Variants in TCF4 observed in about 807,000 individuals in gnomAD.
The protein encoded by TCF4 is transcription factor 4.
Under a neutral mutation model 82.1 loss-of-function variants are expected in TCF4, and 3 were observed. The observed-to-expected ratio is 0.04, with a 90% CI of 0.02 to 0.09. The LOEUF is 0.09. Among genes scored for constraint, TCF4 ranks in the 10% least tolerant of loss-of-function variants. The probability of loss-of-function intolerance (pLI) is 1.00; values close to 1 mark genes in which losing one functional copy is unlikely to be tolerated. For missense variants in TCF4, 518 were observed against 852.7 expected, an observed-to-expected ratio of 0.61 and a Z score of 4.89; for synonymous variants, 276 against 309.6, an observed-to-expected ratio of 0.89 and a Z score of 1.14.
At chr18:55,414,531 A>C (rs2094460945) in intron 5 of TCF4, among the ~76,000 whole-genome samples, 1 of 152,234 alleles carries the variant, frequency 6.6e-6, no homozygotes, top group Non-Finnish European at 1.5e-5. Flanking sequence ...AATTTCAGAG[A>C]TACACAGAAA....
chr18:55,555,916 T>G (rs2097299668), intron 3 of TCF4, among the ~76,000 whole-genome samples: 1 of 152,212 alleles, frequency 6.6e-6, no homozygotes, highest in Admixed American at 6.5e-5. Flanking sequence ...TTCCTATCAA[T>G]GATATTTCTC....
chr18:55,539,080 G>A (rs1225530746), intron 3 of TCF4, among the ~76,000 whole-genome samples: 1 of 151,100 alleles, frequency 6.6e-6, no homozygotes, highest in Admixed American at 6.6e-5. Flanking sequence ...AACATGATGA[G>A]AAAAAAGTTA....
At chr18:55,342,235 G>A (rs1196892581) in intron 8 of TCF4, among the ~76,000 whole-genome samples, 1 of 152,076 alleles carries the variant, frequency 6.6e-6, no homozygotes, top group African/African-American at 2.4e-5. Flanking sequence ...ATTACTGACT[G>A]CAGTTTGAAT....
chr18:55,371,961 T>C (rs979811877), intron 6 of TCF4, among the ~76,000 whole-genome samples: 2 of 152,170 alleles, frequency 1.3e-5, no homozygotes, highest in Non-Finnish European at 2.9e-5. Context: ...ATAAATAAAA[T>C]GACTTATAAC....
At chr18:55,235,070 G>T (rs1032626334) in intron 15 of TCF4, among the ~76,000 whole-genome samples, 2 of 151,876 alleles carry the variant, frequency 1.3e-5, no homozygotes, top group African/African-American at 4.8e-5. Context: ...CATTGCTATC[G>T]GAAATCCTAC....
At chr18:55,403,853 C>A (rs1389493275) in intron 5 of TCF4, 11 of 1,473,196 alleles carry the variant, frequency 7.5e-6, no homozygotes, top group Admixed American at 2.3e-5. Context: ...TTTATTTACA[C>A]AGCAGGCAAA....
chr18:55,347,204 G>A (rs1425019064), intron 8 of TCF4, among the ~76,000 whole-genome samples: 4 of 151,964 alleles, frequency 2.6e-5, no homozygotes, highest in African/African-American at 9.7e-5. Context: ...CGCAAAAAAC[G>A]AGGGCTACGA....
At chr18:55,591,039 A>T (rs1459655587), upstream of TCF4, 1 of 152,218 alleles carries the variant, frequency 6.6e-6, no homozygotes, top group Non-Finnish European at 1.5e-5. Flanking sequence ...GGCAGTGGGA[A>T]CATCCTAATC....
At chr18:55,403,902 A>G in intron 5 of TCF4, 3 of 1,429,906 alleles carry the variant, frequency 2.1e-6, no homozygotes, top group Non-Finnish European at 2.7e-6. Flanking sequence ...ATTCCCATTG[A>G]TTATATTGAC....
At chr18:55,630,347 T>C (rs959753843) in intron 2 of TCF4, among the ~76,000 whole-genome samples, 2 of 152,066 alleles carry the variant, frequency 1.3e-5, no homozygotes, top group Non-Finnish European at 2.9e-5. Flanking sequence ...TCATGAAAAA[T>C]AAAAATGTGT....
At chr18:55,345,541 C>T (rs1275384648) in intron 8 of TCF4, among the ~76,000 whole-genome samples, 1 of 152,122 alleles carries the variant, frequency 6.6e-6, no homozygotes, top group African/African-American at 2.4e-5. Flanking sequence ...ATATCCAAAC[C>T]TCATATTCCA....
intron 6 of TCF4, among the ~76,000 whole-genome samples, chr18:55,372,663 A>AG: frequency 6.6e-6 from 1 of 152,288 alleles, no homozygotes; most frequent in African/African-American, 2.4e-5. Flanking sequence ...ACCCAAAAAA[A>AG]CCCAGAACAA....
chr18:55,258,613 C>T (rs1456349869), intron 13 of TCF4, among the ~76,000 whole-genome samples: 1 of 152,134 alleles, frequency 6.6e-6, no homozygotes, highest in East Asian at 1.9e-4. Flanking sequence ...TATCAGACTA[C>T]ATTAGTCGTT....
chr18:55,365,261 A>ATATATG (rs2086708534), intron 6 of TCF4, among the ~76,000 whole-genome samples: 1 of 143,536 alleles, frequency 7.0e-6, no homozygotes, highest in Non-Finnish European at 1.5e-5. Context: ...ATATATATAT[A>ATATATG]TATATACACA....
intron 8 of TCF4, among the ~76,000 whole-genome samples, chr18:55,298,117 G>C (rs1235470835): frequency 6.6e-6 from 1 of 152,132 alleles, no homozygotes; most frequent in African/African-American, 2.4e-5. Context: ...TGTTGGGCAC[G>C]AAGCATCCAG....
At chr18:55,468,228 C>A (rs987274373) in intron 3 of TCF4, among the ~76,000 whole-genome samples, 1 of 152,102 alleles carries the variant, frequency 6.6e-6, no homozygotes, top group Admixed American at 6.5e-5. Context: ...AACAGTAAGG[C>A]CAGAGGTATG....
chr18:55,588,574 C>G, upstream of TCF4: 1 of 1,523,348 alleles, frequency 6.6e-7, no homozygotes, highest in Non-Finnish European at 8.8e-7. Flanking sequence ...AGTTTACATC[C>G]CCTCACTTCT....
At chr18:55,605,995 A>G (rs1432852054) in intron 2 of TCF4, among the ~76,000 whole-genome samples, 1 of 152,202 alleles carries the variant, frequency 6.6e-6, no homozygotes, top group East Asian at 1.9e-4. Context: ...CCTGATCAGA[A>G]ACTCCGGGGT....
chr18:55,472,674 T>C (rs1281634966), intron 3 of TCF4, among the ~76,000 whole-genome samples: 2 of 152,150 alleles, frequency 1.3e-5, no homozygotes, highest in African/African-American at 2.4e-5. Flanking sequence ...ACAGTTTTCT[T>C]GGAGAGTAAA....
Sources: allele counts gnomAD v4.1 joint callset (sites outside exome capture counted in the v4.1 genomes callset), GRCh38; gene constraint gnomAD v4.1.1; transcripts MANE v1.5; gene names NCBI Gene and HGNC (gene_info 2026-07-23, HGNC 2026-07-21).